The following C8orf34 variants were observed in gnomAD, a reference collection of about 807,000 sequenced individuals.
C8orf34 encodes the protein chromosome 8 open reading frame 34.
C8orf34 carries 65 observed loss-of-function variants against 68.3 expected under a neutral mutation model. The ratio of observed to expected loss-of-function variants is 0.95; its 90% CI spans 0.78 to 1.17. The LOEUF is 1.17. Among genes scored for constraint, C8orf34 ranks in the 50% most tolerant of loss-of-function variants. C8orf34 has a pLI of 0.00. For missense variants in C8orf34, 664 were observed against 655.4 expected (o/e 1.01, Z -0.14); for synonymous variants, 244 against 241.2 (o/e 1.01, Z -0.11).
intron 1 of C8orf34, among the ~76,000 whole-genome samples, chr8:68,430,849 A>C (rs1342918694): frequency 1.3e-5 from 2 of 152,278 alleles, no homozygotes; most frequent in African/African-American, 4.8e-5. Flanking sequence ...GAGAGAGACC[A>C]AACAGGCAAC....
intron 12 of C8orf34, among the ~76,000 whole-genome samples, chr8:68,807,625 GT>G (rs1415587102): frequency 6.6e-6 from 1 of 151,976 alleles, no homozygotes; most frequent in Non-Finnish European, 1.5e-5. Context: ...ATTCTTTGGT[GT>G]TTTTTCTTGG....
chr8:68,429,428 G>A (rs1810362266), intron 1 of C8orf34, among the ~76,000 whole-genome samples: 1 of 152,154 alleles, frequency 6.6e-6, no homozygotes, highest in Admixed American at 6.6e-5. Context: ...TGGGAATGCG[G>A]GTGGGAGACA....
At chr8:68,355,611 C>G (rs987449947) in intron 1 of C8orf34, among the ~76,000 whole-genome samples, 7 of 152,084 alleles carry the variant, frequency 4.6e-5, no homozygotes, top group African/African-American at 9.7e-5. Context: ...TTCTGGTATC[C>G]TGAGATTAGA....
At chr8:68,653,146 A>C (rs2130784626) in intron 8 of C8orf34, among the ~76,000 whole-genome samples, 1 of 152,338 alleles carries the variant, frequency 6.6e-6, no homozygotes, top group South Asian at 2.1e-4. Context: ...GTGCAGTTTA[A>C]GGTTACTAAA....
chr8:68,603,518 CATATATCT>C (rs1317092775), intron 7 of C8orf34, among the ~76,000 whole-genome samples: 8 of 94,894 alleles, frequency 8.4e-5, no homozygotes, highest in African/African-American at 3.3e-4. Flanking sequence ...TGTATATATA[CATATATCT>C]ATCTATCTAT....
intron 8 of C8orf34, among the ~76,000 whole-genome samples, chr8:68,666,378 G>A (rs1563595994): frequency 6.6e-6 from 1 of 152,176 alleles, no homozygotes; most frequent in Non-Finnish European, 1.5e-5. Context: ...GAATAAATTT[G>A]TGGCTATGTC....
At chr8:68,735,294 C>T (rs899741715) in intron 10 of C8orf34, among the ~76,000 whole-genome samples, 3 of 152,150 alleles carry the variant, frequency 2.0e-5, no homozygotes, top group African/African-American at 7.2e-5. Flanking sequence ...TTGCTTTGAA[C>T]ATAAGAATTG....
chr8:68,421,606 T>C (rs1369326818), intron 1 of C8orf34, among the ~76,000 whole-genome samples: 3 of 152,148 alleles, frequency 2.0e-5, no homozygotes, highest in African/African-American at 7.2e-5. Flanking sequence ...CAGCCCCTTC[T>C]ACACAATTGG....
chr8:68,807,860 C>T (rs1824532158), intron 12 of C8orf34, among the ~76,000 whole-genome samples: 1 of 152,190 alleles, frequency 6.6e-6, no homozygotes, highest in Admixed American at 6.5e-5. Flanking sequence ...GGCTTTATTC[C>T]TTGAGAGGGC....
chr8:68,766,738 G>C (rs897849650), intron 10 of C8orf34, among the ~76,000 whole-genome samples: 22 of 152,108 alleles, frequency 1.4e-4, no homozygotes, highest in Non-Finnish European at 2.9e-4. Flanking sequence ...TTACAATTAT[G>C]CTGGTAAAAC....
At chr8:68,662,179 A>G (rs1166014510) in intron 8 of C8orf34, among the ~76,000 whole-genome samples, 3 of 152,182 alleles carry the variant, frequency 2.0e-5, no homozygotes, top group African/African-American at 7.2e-5. Flanking sequence ...CACAGCAAAC[A>G]AAAGTTGTTT....
At chr8:68,672,093 A>G (rs1020670880) in intron 8 of C8orf34, among the ~76,000 whole-genome samples, 14 of 151,646 alleles carry the variant, frequency 9.2e-5, no homozygotes, top group African/African-American at 3.2e-4. Flanking sequence ...TCTCAAAGAT[A>G]TTACTTTGAA....
At chr8:68,554,096 A>G (rs1398820039) in intron 7 of C8orf34, among the ~76,000 whole-genome samples, 1 of 152,160 alleles carries the variant, frequency 6.6e-6, no homozygotes, top group East Asian at 1.9e-4. Context: ...AAAAATATCT[A>G]CAGGTTTATC....
intron 10 of C8orf34, among the ~76,000 whole-genome samples, chr8:68,772,762 TTTCC>T (rs1823385932): frequency 6.9e-6 from 1 of 143,968 alleles, no homozygotes; most frequent in Admixed American, 6.9e-5. Context: ...TCCTTCCTTC[TTTCC>T]TTCCTTCCTT....
intron 10 of C8orf34, among the ~76,000 whole-genome samples, chr8:68,737,644 T>G (rs1822160180): frequency 6.6e-6 from 1 of 151,656 alleles, no homozygotes; most frequent in South Asian, 2.1e-4. Flanking sequence ...GAAACAAACT[T>G]TAAATCAACA....
At chr8:68,768,013 C>A (rs1166229400) in intron 10 of C8orf34, among the ~76,000 whole-genome samples, 4 of 152,094 alleles carry the variant, frequency 2.6e-5, no homozygotes, top group African/African-American at 9.7e-5. Flanking sequence ...AGGGTACTTG[C>A]TTGATTTGTC....
At chr8:68,596,433 A>G (rs1382558090) in intron 7 of C8orf34, among the ~76,000 whole-genome samples, 2 of 152,170 alleles carry the variant, frequency 1.3e-5, no homozygotes, top group East Asian at 1.9e-4. Context: ...GTCAAGAACT[A>G]TGAACAGTAT....
intron 8 of C8orf34, among the ~76,000 whole-genome samples, chr8:68,667,936 A>C (rs1819889698): frequency 6.6e-6 from 1 of 152,162 alleles, no homozygotes; most frequent in Non-Finnish European, 1.5e-5. Flanking sequence ...AACAGCTTTA[A>C]TTCAGAAAAA....
At chr8:68,502,194 T>C (rs1586272018) in intron 5 of C8orf34, among the ~76,000 whole-genome samples, 1 of 152,344 alleles carries the variant, frequency 6.6e-6, no homozygotes, top group East Asian at 1.9e-4. Flanking sequence ...GCCTCCTGAA[T>C]AGCTGGGATT....
Sources: allele counts gnomAD v4.1 joint callset (sites outside exome capture counted in the v4.1 genomes callset), GRCh38; gene constraint gnomAD v4.1.1; transcripts MANE v1.5; gene names NCBI Gene and HGNC (gene_info 2026-07-23, HGNC 2026-07-21).